ZMYND12: variants seen among roughly 807,000 people sequenced by gnomAD.
ZMYND12 encodes the protein zinc finger MYND domain-containing protein 12.
Under a neutral mutation model 41.7 loss-of-function variants are expected in ZMYND12, and 32 were observed. The ratio of observed to expected loss-of-function variants is 0.77; its 90% CI spans 0.58 to 1.03. The LOEUF is 1.03. Ranked by LOEUF, ZMYND12 falls within the 50% of genes least tolerant of loss-of-function variation. ZMYND12 has a pLI of 0.00. For missense variants in ZMYND12, 424 were observed against 438.5 expected, an observed-to-expected ratio of 0.97 and a Z score of 0.30; for synonymous variants, 148 against 164.8, an observed-to-expected ratio of 0.90 and a Z score of 0.78.
At chr1:42,433,463 C>T (rs1213282855) in intron 6 of ZMYND12, among the ~76,000 whole-genome samples, 175 bp from the exon 7 acceptor site, 1 of 152,204 alleles carries the variant, frequency 6.6e-6, no homozygotes, top group African/African-American at 2.4e-5. Flanking sequence ...AGGTGCAAAG[C>T]AGGAAGCTCC....
chr1:42,451,563 T>C (rs973424662), intron 1 of ZMYND12, among the ~76,000 whole-genome samples: 12 of 152,334 alleles, frequency 7.9e-5, no homozygotes, highest in Non-Finnish European at 1.5e-4. Context: ...ACTCTGCTGT[T>C]GTAGCACAAA....
chr1:42,433,101 C>G (rs2148403897), intron 7 of ZMYND12, 42 bp downstream of exon 7: 5 of 1,601,292 alleles, frequency 3.1e-6, no homozygotes, highest in Non-Finnish European at 4.2e-6. Context: ...AGTTGAATTT[C>G]TACCTTCATT....
chr1:42,454,528 A>G (rs72659911), intron 1 of ZMYND12, among the ~76,000 whole-genome samples: 4,498 of 152,214 alleles, frequency 0.03, 94 homozygotes, highest in Middle Eastern at 0.051. Context: ...CTTCCTCTGT[A>G]TCTGCCACAC....
chr1:42,444,836 G>A (rs1366233049), intron 3 of ZMYND12, among the ~76,000 whole-genome samples: 3 of 133,506 alleles, frequency 2.2e-5, no homozygotes, highest in Non-Finnish European at 4.7e-5. Context: ...ACGGAGTCTC[G>A]CTCTGTCACC....
At chr1:42,454,169 A>C (rs1387071677) in intron 1 of ZMYND12, among the ~76,000 whole-genome samples, 2 of 152,160 alleles carry the variant, frequency 1.3e-5, no homozygotes, top group Admixed American at 1.3e-4. Context: ...GCAAATTAGA[A>C]CTTCAGTTCT....
rs1373203693 is a variant in ZMYND12 at position 42,432,055 on chromosome 1, TTTTTC to T, written c.975+1083_975+1087del. Among the ~76,000 whole-genome samples, 892 of 95,288 alleles carry T rather than the reference TTTTTC, an allele frequency of 9.4e-3. 12 individuals carry two copies. Among genetic ancestry groups the T allele is most frequent in the African/African-American group, 0.028 (851 of 30,124 alleles). 62.5% of individuals were successfully genotyped at this position (95,288 alleles called of 152,430 possible). A position where few individuals can be genotyped will look rare whatever the true frequency, so the allele number is the denominator to read the frequency against. On this transcript the variant is annotated intron_variant, in intron 7 of 7. Transcript: ENST00000372565. Reference sequence around the variant, plus strand: ...TCTTCTTCTTCTTCTTTTCTTTTTCTTTTTCTTTTTTTTTTTTTTGAGACAGGATC... The same window carrying T: ...TCTTCTTCTTCTTCTTTTCTTTTTCTTTTTTTTTTTTTTTGAGACAGGATC...
chr1:42,449,856 C>A (rs12142723), intron 2 of ZMYND12, 62 bp downstream of exon 2: 442,628 of 1,587,842 alleles, frequency 0.28, 66,425 homozygotes, highest in Non-Finnish European at 0.31. Flanking sequence ...ACAGTTCGAG[C>A]CTTGTCTTGG....
chr1:42,440,694 G>A (rs191801808), intron 3 of ZMYND12, among the ~76,000 whole-genome samples: 4 of 152,008 alleles, frequency 2.6e-5, no homozygotes, highest in East Asian at 1.9e-4. Context: ...TTTTTTGAGG[G>A]AGTCTCACTT....
At chr1:42,442,799 C>A (rs1642984365) in intron 3 of ZMYND12, among the ~76,000 whole-genome samples, 1 of 152,080 alleles carries the variant, frequency 6.6e-6, no homozygotes, top group South Asian at 2.1e-4. Context: ...GAAGAGGAAG[C>A]AGTCTACAAG....
chr1:42,451,981 A>G (rs1643087688), intron 1 of ZMYND12, among the ~76,000 whole-genome samples: 1 of 152,228 alleles, frequency 6.6e-6, no homozygotes, highest in Admixed American at 6.5e-5. Flanking sequence ...ATAAAGTAGG[A>G]ATGGATAAAT....
At chr1:42,440,547 G>A (rs1170308674) in intron 3 of ZMYND12, among the ~76,000 whole-genome samples, 2 of 152,216 alleles carry the variant, frequency 1.3e-5, no homozygotes, top group Non-Finnish European at 2.9e-5. Flanking sequence ...CTAAGAGGGA[G>A]TAACTGCTGA....
At chr1:42,439,808 T>A in intron 4 of ZMYND12, 48 bp downstream of exon 4, 2 of 1,523,618 alleles carry the variant, frequency 1.3e-6, no homozygotes, top group Non-Finnish European at 1.8e-6. Flanking sequence ...ACAGGTGTTA[T>A]AATTTAGATT....
chr1:42,436,271 T>C, intron 5 of ZMYND12, 150 bp downstream of exon 5: 2 of 994,118 alleles, frequency 2.0e-6, no homozygotes, highest in Middle Eastern at 3.3e-4. Flanking sequence ...GAGTATATCA[T>C]GTATCAGGCT....
rs750612160 is a variant in ZMYND12 at position 42,455,992 on chromosome 1, A to T, written c.6T>A (p.Asn2Lys). M[N>K]VIYPLAVPKG... ...TGGGGACTGCCAGTGGGTAGATCAC[A>T]TTCATGGTGCAGCCAGCAGTGCTGG... The change falls in exon 1 of 8, where the codon AAT becomes AAA. Residue 2 changes from asparagine (N) to lysine (K), a missense_variant. Physicochemically the swap from Asn to Lys is moderately conservative, Grantham distance 94. Coordinates refer to ENST00000372565, the MANE Select transcript of ZMYND12 (RefSeq NM_032257.5). 6.2e-7 allele frequency: 1 copy of T among 1,611,670 alleles called. No homozygotes were observed.
intron 3 of ZMYND12, among the ~76,000 whole-genome samples, chr1:42,444,947 A>C (rs1643007429): frequency 1.3e-5 from 2 of 151,048 alleles, no homozygotes; most frequent in South Asian, 4.2e-4. Flanking sequence ...AGTTGGGACT[A>C]CAGGCACCCG....
intron 1 of ZMYND12, among the ~76,000 whole-genome samples, chr1:42,452,397 T>C (rs1643091638): frequency 6.6e-6 from 1 of 152,222 alleles, no homozygotes. Context: ...AATGTTTTAG[T>C]ATGTACTTCC....
chr1:42,442,565 C>G (rs1279466284), intron 3 of ZMYND12, among the ~76,000 whole-genome samples: 1 of 152,112 alleles, frequency 6.6e-6, no homozygotes, highest in Non-Finnish European at 1.5e-5. Context: ...AAAGCCACTA[C>G]GTCAGTGTGC....
At chr1:42,445,271 A>C (rs530802134) in intron 3 of ZMYND12, among the ~76,000 whole-genome samples, 107 of 151,824 alleles carry the variant, frequency 7.0e-4, no homozygotes, top group Non-Finnish European at 1.0e-3. Context: ...TATCTCTACT[A>C]AAACTACAAA....
At chr1:42,450,145 C>T (rs1005282946) in intron 1 of ZMYND12, 86 bp from the exon 2 acceptor site, 4 of 1,505,408 alleles carry the variant, frequency 2.7e-6, no homozygotes, top group Non-Finnish European at 3.6e-6. Context: ...TATCCCTAGA[C>T]ACCAGAAAAG....
Sources: allele counts gnomAD v4.1 joint callset (sites outside exome capture counted in the v4.1 genomes callset), GRCh38; gene constraint gnomAD v4.1.1; transcripts MANE v1.5; gene names NCBI Gene and HGNC (gene_info 2026-07-23, HGNC 2026-07-21).